Variants in VPS41 observed in about 807,000 individuals in gnomAD.
VPS41 encodes the protein VPS41 subunit of HOPS complex, also known as vacuolar protein sorting-associated protein 41 homolog.
A neutral mutation model predicts 130.9 loss-of-function variants in VPS41; 85 were observed. The ratio of observed to expected loss-of-function variants is 0.65; its 90% CI spans 0.55 to 0.78. VPS41 has a LOEUF of 0.78. Ranked by LOEUF, VPS41 falls within the 30% of genes least tolerant of loss-of-function variation. The pLI is 0.00. For synonymous variants in VPS41, 335 were observed against 332.9 expected (o/e 1.01, Z -0.07); for missense variants, 874 against 1,018.7 (o/e 0.86, Z 1.93).
At chr7:38,898,030 G>T in intron 2 of VPS41, 61 bp downstream of exon 2, 2 of 1,500,738 alleles carry the variant, frequency 1.3e-6, no homozygotes, top group Non-Finnish European at 1.9e-6. Flanking sequence ...GCAAAGAAGC[G>T]CAACTCAAGA....
intron 17 of VPS41, among the ~76,000 whole-genome samples, chr7:38,759,637 CA>C: frequency 6.6e-6 from 1 of 152,240 alleles, no homozygotes; most frequent in Non-Finnish European, 1.5e-5. Flanking sequence ...ACGAAATGTA[CA>C]ACTAAGAAAG....
At chr7:38,784,507 C>T (rs778217076) in intron 10 of VPS41, among the ~76,000 whole-genome samples, 3 of 152,060 alleles carry the variant, frequency 2.0e-5, no homozygotes, top group African/African-American at 4.8e-5. Context: ...TGGTGGTGCA[C>T]GCCTGTAGTC....
chr7:38,889,573 A>AAAAACAAAAAAAAAAAAAC, intron 2 of VPS41, among the ~76,000 whole-genome samples: 1 of 145,508 alleles, frequency 6.9e-6, no homozygotes. Context: ...AAAAAAAAAA[A>AAAAACAAAAAAAAAAAAAC]ACCTTAAAAC....
At chr7:38,732,674 A>T (rs1161203462) in intron 25 of VPS41, among the ~76,000 whole-genome samples, 1 of 152,126 alleles carries the variant, frequency 6.6e-6, no homozygotes, top group East Asian at 1.9e-4. Flanking sequence ...TGTGTTTTTA[A>T]AAAAAAGATA....
intron 4 of VPS41, among the ~76,000 whole-genome samples, chr7:38,844,276 C>T (rs931312610): frequency 2.0e-5 from 3 of 152,114 alleles, no homozygotes; most frequent in African/African-American, 7.2e-5. Flanking sequence ...AGGGCTGTGC[C>T]CTGATGCTAC....
chr7:38,816,902 C>T (rs912354216), intron 7 of VPS41, among the ~76,000 whole-genome samples: 2 of 151,990 alleles, frequency 1.3e-5, no homozygotes, highest in African/African-American at 2.4e-5. Context: ...TACCACCACA[C>T]GCAGCTAATT....
chr7:38,871,255 A>G (rs1786351765), intron 2 of VPS41, among the ~76,000 whole-genome samples: 1 of 152,248 alleles, frequency 6.6e-6, no homozygotes, highest in Non-Finnish European at 1.5e-5. Context: ...TTGTAGAGTA[A>G]TAAGTGCTCT....
At chr7:38,839,539 C>G (rs1280350339) in intron 4 of VPS41, among the ~76,000 whole-genome samples, 1 of 152,114 alleles carries the variant, frequency 6.6e-6, no homozygotes, top group African/African-American at 2.4e-5. Flanking sequence ...AGGGATTCTT[C>G]TGCCTCAGCC....
At chr7:38,879,500 G>GA (rs919465288) in intron 2 of VPS41, among the ~76,000 whole-genome samples, 2,520 of 146,932 alleles carry the variant, frequency 0.017, 67 homozygotes, top group African/African-American at 0.057. Context: ...TCAAATAACA[G>GA]AAAAAAAAAA....
chr7:38,752,122 A>G (rs985561032), intron 22 of VPS41, 54 bp downstream of exon 22: 3 of 1,607,948 alleles, frequency 1.9e-6, no homozygotes, highest in African/African-American at 2.7e-5. Context: ...ACAACTTACC[A>G]TCAATGACAA....
chr7:38,856,744 A>G (rs867825750), intron 4 of VPS41, among the ~76,000 whole-genome samples: 11 of 152,180 alleles, frequency 7.2e-5, no homozygotes, highest in Admixed American at 2.6e-4. Flanking sequence ...GTAATATAGG[A>G]GTTTACAGGA....
chr7:38,906,411 C>T (rs1787263806), intron 1 of VPS41, among the ~76,000 whole-genome samples: 1 of 151,864 alleles, frequency 6.6e-6, no homozygotes, highest in Admixed American at 6.6e-5. Flanking sequence ...GTGGCACGAT[C>T]ATGGCTCACT....
At chr7:38,759,766 C>T (rs565761846) in intron 17 of VPS41, among the ~76,000 whole-genome samples, 1 of 152,186 alleles carries the variant, frequency 6.6e-6, no homozygotes, top group Admixed American at 6.5e-5. Flanking sequence ...AGATATTACC[C>T]AAGTCAGCTA....
intron 8 of VPS41, among the ~76,000 whole-genome samples, chr7:38,795,940 T>C (rs1055042051): frequency 6.6e-6 from 1 of 152,184 alleles, no homozygotes; most frequent in African/African-American, 2.4e-5. Flanking sequence ...CGTTCCACCA[T>C]GAAAAATGAA....
At chr7:38,822,970 T>G (rs1785206047) in intron 5 of VPS41, among the ~76,000 whole-genome samples, 1 of 152,230 alleles carries the variant, frequency 6.6e-6, no homozygotes, top group African/African-American at 2.4e-5. Context: ...ACTGTCTTTC[T>G]AGTCTCTAGT....
chr7:38,871,290 T>C (rs1000513381), intron 2 of VPS41, among the ~76,000 whole-genome samples: 2 of 152,202 alleles, frequency 1.3e-5, no homozygotes, highest in African/African-American at 4.8e-5. Context: ...ATAAGACTGA[T>C]GAGACACACT....
chr7:38,887,190 A>G (rs908614963), intron 2 of VPS41, among the ~76,000 whole-genome samples: 3 of 152,214 alleles, frequency 2.0e-5, no homozygotes, highest in African/African-American at 7.2e-5. Flanking sequence ...TGACAAGTTG[A>G]CCGAAGTAGG....
chr7:38,762,562 T>C (rs918043158), intron 17 of VPS41, among the ~76,000 whole-genome samples: 1 of 152,170 alleles, frequency 6.6e-6, no homozygotes, highest in Non-Finnish European at 1.5e-5. Context: ...AATTGACAAG[T>C]CAATATTCCA....
chr7:38,869,173 T>C lies in VPS41; in HGVS notation c.141A>G (p.Ala47=), dbSNP rs1393762169. The change falls in exon 3 of 29, where the codon GCA becomes GCG. Residue 47 remains alanine (A), a synonymous_variant. Transcript: ENST00000310301. The part of the protein sequence containing the change: ...NGVTEILQKD[A]ASCMTVHDKF... ...TGTCATGGACTGTCATGCAGCTAGC[T>C]GCATCCTTCTGAAGTATTTCAGTTA... is the stretch of plus-strand genomic sequence containing the variant. 6 of 1,608,726 alleles carry C rather than the reference T, an allele frequency of 3.7e-6. No homozygotes were observed. The highest frequency in any genetic ancestry group is 5.1e-6 in the Non-Finnish European group (6 of 1,176,712).
Sources: allele counts gnomAD v4.1 joint callset (sites outside exome capture counted in the v4.1 genomes callset), GRCh38; gene constraint gnomAD v4.1.1; transcripts MANE v1.5; gene names NCBI Gene and HGNC (gene_info 2026-07-23, HGNC 2026-07-21).